Variants in COL12A1 observed in about 807,000 individuals in gnomAD.
COL12A1 encodes the protein collagen type XII alpha 1 chain.
Under a neutral mutation model 349.7 loss-of-function variants are expected in COL12A1, and 114 were observed. That is an observed-to-expected ratio of 0.33 (90% CI 0.28 to 0.38). The LOEUF (loss-of-function observed/expected upper bound fraction) is 0.38, where lower values mean the gene tolerates loss of function less well. Ranked by LOEUF, COL12A1 falls within the 10% of genes least tolerant of loss-of-function variation. The pLI is 1.00. For synonymous variants in COL12A1, 1,369 were observed against 1,329.0 expected (o/e 1.03, Z -0.66); for missense variants, 3,284 against 3,756.9 (o/e 0.87, Z 3.29).
intron 8 of COL12A1, among the ~76,000 whole-genome samples, chr6:75,186,950 C>A (rs1191589515): frequency 2.0e-5 from 3 of 151,850 alleles, no homozygotes; most frequent in Non-Finnish European, 4.4e-5. Context: ...GGAAACGACA[C>A]ACACACTGGG....
At chr6:75,175,389 T>C in intron 12 of COL12A1, 79 bp from the exon 13 acceptor site, 2 of 1,489,112 alleles carry the variant, frequency 1.3e-6, no homozygotes, top group Non-Finnish European at 1.8e-6. Context: ...ACTTTACTTA[T>C]GCATGTGCAC....
At chr6:75,151,086 A>AAT in intron 21 of COL12A1, 55 bp downstream of exon 21, 6 of 429,786 alleles carry the variant, frequency 1.4e-5, no homozygotes, top group South Asian at 3.8e-5. Context: ...AAGAATAATT[A>AAT]TTTGGCCCAA....
chr6:75,095,258 T>G (rs1217467235), intron 59 of COL12A1, 79 bp from the exon 60 acceptor site: 4 of 1,032,194 alleles, frequency 3.9e-6, no homozygotes, highest in Non-Finnish European at 5.8e-6. Context: ...CAGCCTGTTT[T>G]AAACGCGTTT....
chr6:75,177,586 A>G (rs1443450546), intron 12 of COL12A1, 77 bp downstream of exon 12: 2 of 1,545,964 alleles, frequency 1.3e-6, no homozygotes, highest in Non-Finnish European at 8.9e-7. Flanking sequence ...TTAGTTTTTT[A>G]TCTGGATAGT....
chr6:75,191,093 T>A, intron 5 of COL12A1, among the ~76,000 whole-genome samples: 1 of 151,898 alleles, frequency 6.6e-6, no homozygotes, highest in Non-Finnish European at 1.5e-5. Context: ...AAAAGGAGGC[T>A]AATAACTGCA....
At chr6:75,163,915 A>G in intron 14 of COL12A1, among the ~76,000 whole-genome samples, 1 of 152,214 alleles carries the variant, frequency 6.6e-6, no homozygotes, top group East Asian at 1.9e-4. Flanking sequence ...TGGAGGAAAA[A>G]AATCCCTCTA....
intron 2 of COL12A1, among the ~76,000 whole-genome samples, chr6:75,201,972 G>T (rs759990979): frequency 1.3e-5 from 2 of 152,230 alleles, no homozygotes; most frequent in Non-Finnish European, 2.9e-5. Context: ...GCAGGACACT[G>T]GAGGTGGTGC....
intron 8 of COL12A1, 21 bp from the exon 9 acceptor site, chr6:75,184,165 A>G (rs1769485540): frequency 6.2e-7 from 1 of 1,607,806 alleles, no homozygotes; most frequent in South Asian, 1.1e-5. Context: ...ACAAGCAGAC[A>G]GTGATTAATA....
At chr6:75,175,387 T>C (rs763090058) in intron 12 of COL12A1, 77 bp from the exon 13 acceptor site, 29 of 1,499,142 alleles carry the variant, frequency 1.9e-5, no homozygotes, top group Non-Finnish European at 2.6e-5. Flanking sequence ...TTACTTTACT[T>C]ATGCATGTGC....
intron 14 of COL12A1, among the ~76,000 whole-genome samples, chr6:75,164,775 A>C (rs1206581468): frequency 6.6e-6 from 1 of 152,120 alleles, no homozygotes; most frequent in East Asian, 1.9e-4. Context: ...AGGATAGTGA[A>C]TTAAGATATC....
In COL12A1 at chr6:75,086,363, T is replaced by A; in HGVS notation, c.*184A>T. 1 of 358,492 alleles carries A rather than the reference T, an allele frequency of 2.8e-6. No homozygotes were observed. Among genetic ancestry groups the A allele is most frequent in the Non-Finnish European group, 5.4e-6 (1 of 184,948 alleles). The allele number at this position is 358,492 out of a possible 1,614,324, so 22.2% of individuals were successfully genotyped here. On this transcript the variant is annotated 3_prime_UTR_variant, in exon 66 of 66. Coordinates refer to ENST00000322507, the MANE Select transcript of COL12A1 (RefSeq NM_004370.6). ...TTATAAACTGACACCACTGCTTTTG[T>A]CTCATTCAAGTTAGTAAAAAGAGTC...
At chr6:75,201,310 T>G (rs1466350871) in intron 2 of COL12A1, among the ~76,000 whole-genome samples, 2 of 152,194 alleles carry the variant, frequency 1.3e-5, no homozygotes. Flanking sequence ...GACTATTACT[T>G]CACAGAGGCC....
chr6:75,187,205 T>C (rs1026321017), intron 8 of COL12A1, among the ~76,000 whole-genome samples: 4 of 149,942 alleles, frequency 2.7e-5, no homozygotes, highest in Admixed American at 2.0e-4. Flanking sequence ...TAGAAAATAG[T>C]AGGAGGGAAG....
rs1396154285 is a variant in COL12A1 at position 75,085,166 on chromosome 6, G to A, written c.*1381C>T. The stretch of plus-strand genomic sequence containing the variant: ...AATTTCAACACCTCCCCCAAGCCTC[G>A]CGGCGCGGCGCGTGATCTCTGGTTC... On this transcript the variant is annotated 3_prime_UTR_variant, in exon 66 of 66. Transcript: ENST00000322507. 1 of 457,178 alleles carries A rather than the reference G, an allele frequency of 2.2e-6. No individual in the cohort carries two copies. The highest frequency in any genetic ancestry group is 4.5e-6 in the Non-Finnish European group (1 of 222,068). 28.3% of individuals were successfully genotyped at this position (457,178 alleles called of 1,614,324 possible). A position where few individuals can be genotyped will look rare whatever the true frequency, so the allele number is the denominator to read the frequency against.
At chr6:75,204,485 A>G (rs1770676303) in intron 1 of COL12A1, among the ~76,000 whole-genome samples, 1 of 152,338 alleles carries the variant, frequency 6.6e-6, no homozygotes, top group African/African-American at 2.4e-5. Flanking sequence ...CCAGCCAGCC[A>G]AGCATCCCGT....
At chr6:75,179,446 T>C (rs958896551) in intron 11 of COL12A1, among the ~76,000 whole-genome samples, 3 of 152,030 alleles carry the variant, frequency 2.0e-5, no homozygotes, top group Admixed American at 2.0e-4. Context: ...GAGTACAGCC[T>C]TCTCCCTTAT....
At chr6:75,125,077 TA>T in intron 40 of COL12A1, 49 bp downstream of exon 40, 4 of 1,511,072 alleles carry the variant, frequency 2.6e-6, no homozygotes, top group Non-Finnish European at 2.7e-6. Context: ...GCTGACCTGG[TA>T]ATTTCTACTA....
At chr6:75,180,711 C>G (rs1354484975) in intron 11 of COL12A1, among the ~76,000 whole-genome samples, 1 of 152,084 alleles carries the variant, frequency 6.6e-6, no homozygotes, top group African/African-American at 2.4e-5. Flanking sequence ...CAACAGTTCT[C>G]TAGGTCTCCT....
intron 5 of COL12A1, among the ~76,000 whole-genome samples, chr6:75,190,627 T>C (rs946425982): frequency 1.3e-5 from 2 of 151,906 alleles, no homozygotes; most frequent in African/African-American, 4.8e-5. Context: ...GGAGGTCAGG[T>C]TGGTTTTATG....
Sources: allele counts gnomAD v4.1 joint callset (sites outside exome capture counted in the v4.1 genomes callset), GRCh38; gene constraint gnomAD v4.1.1; transcripts MANE v1.5; gene names NCBI Gene and HGNC (gene_info 2026-07-23, HGNC 2026-07-21).